Variants in KTN1 observed in about 807,000 individuals in gnomAD.
The protein encoded by KTN1 is kinectin.
A neutral mutation model predicts 222.5 loss-of-function variants in KTN1; 130 were observed. That is an observed-to-expected ratio of 0.58 (90% CI 0.51 to 0.68). KTN1 has a LOEUF of 0.68. Ranked by LOEUF, KTN1 falls within the 30% of genes least tolerant of loss-of-function variation. The pLI is 0.00. For synonymous variants in KTN1, 512 were observed against 496.3 expected, an observed-to-expected ratio of 1.03 and a Z score of -0.42; for missense variants, 1,508 against 1,500.4, an observed-to-expected ratio of 1.01 and a Z score of -0.08.
At chr14:55,640,874 A>AAAATAGTTT in intron 15 of KTN1, 59 bp from the exon 16 acceptor site, 1 of 1,408,930 alleles carries the variant, frequency 7.1e-7, no homozygotes, top group Non-Finnish European at 1.0e-6. Context: ...ATTAGTGAAA[A>AAAATAGTTT]AAATAGTTTT....
At chr14:55,586,224 C>T (rs1594676717) in intron 1 of KTN1, among the ~76,000 whole-genome samples, 1 of 152,262 alleles carries the variant, frequency 6.6e-6, no homozygotes, top group East Asian at 1.9e-4. Flanking sequence ...ACAGCTTGGG[C>T]ACTAGGGAGC....
chr14:55,595,772 A>G (rs8009239), intron 1 of KTN1, among the ~76,000 whole-genome samples: 9,197 of 152,314 alleles, frequency 0.06, 384 homozygotes, highest in South Asian at 0.09. Context: ...TGTTCTGACA[A>G]AATCAGACAT....
Position 55,633,658 on chromosome 14 carries a change from C to T in KTN1, c.1328+317C>T, listed in dbSNP as rs146971094. Among the ~76,000 whole-genome samples, 304 of 151,928 alleles carry T rather than the reference C, an allele frequency of 2.0e-3. 2 individuals are homozygous for T. The highest frequency in any genetic ancestry group is 3.3e-3 in the Admixed American group (51 of 15,260). On this transcript the variant is annotated intron_variant, in intron 8 of 43. Coordinates refer to ENST00000395314, the MANE Select transcript of KTN1 (RefSeq NM_001079521.2). ...ACTATGTAATAAATACTAGTACCAC[C>T]AATGGAATGGTCTACAAGCTTATGA...
At chr14:55,650,907 A>G (rs2042871687) in intron 24 of KTN1, among the ~76,000 whole-genome samples, 1 of 152,150 alleles carries the variant, frequency 6.6e-6, no homozygotes, top group Admixed American at 6.5e-5. Flanking sequence ...ATGAAACACG[A>G]AACAGTTTGG....
intron 27 of KTN1, 21 bp downstream of exon 27, chr14:55,653,106 C>T: frequency 1.5e-6 from 2 of 1,363,404 alleles, no homozygotes; most frequent in Middle Eastern, 1.9e-4. Context: ...AACAAATTAC[C>T]AACATGTTAC....
intron 21 of KTN1, among the ~76,000 whole-genome samples, chr14:55,649,486 C>T (rs2042724757): frequency 6.6e-6 from 1 of 152,104 alleles, no homozygotes; most frequent in African/African-American, 2.4e-5. Flanking sequence ...TGAAATTAGG[C>T]AGTTTCTTAG....
intron 43 of KTN1, chr14:55,680,580 A>C (rs1366727052): frequency 3.5e-6 from 2 of 567,942 alleles, no homozygotes; most frequent in Non-Finnish European, 6.9e-6. Context: ...AACCCCTGAT[A>C]ATACTGTGTT....
chr14:55,590,591 T>C (rs991321181), intron 1 of KTN1, among the ~76,000 whole-genome samples: 1 of 152,170 alleles, frequency 6.6e-6, no homozygotes. Flanking sequence ...TTTTGTTGTT[T>C]TGTTGGTTTT....
chr14:55,638,619 T>C (rs560750784), intron 12 of KTN1, among the ~76,000 whole-genome samples: 2 of 151,932 alleles, frequency 1.3e-5, no homozygotes, highest in South Asian at 4.1e-4. Context: ...TCTAAAGTAA[T>C]TGAGGAAGAA....
Position 55,630,058 on chromosome 14 carries a change from A to G in KTN1, c.1182A>G (p.Ile394Met), listed in dbSNP as rs1360973030. Residue 394 changes from isoleucine (I) to methionine (M), a missense_variant, in exon 7 of 44, where the codon ATA becomes ATG. Coordinates refer to ENST00000395314, the MANE Select transcript of KTN1 (RefSeq NM_001079521.2). ...AACATAATGTATTTCAAAACAAAAT[A>G]CATGTCAGTTATCAAGAGACTCAAC... ...EKEHNVFQNK[I>M]HVSYQETQQM... 3.1e-6 allele frequency: 5 copies of G among 1,609,468 alleles called. No individual in the cohort carries two copies. The highest frequency in any genetic ancestry group is 3.4e-6 in the Non-Finnish European group (4 of 1,175,938).
chr14:55,640,678 G>GT (rs1449775452), intron 15 of KTN1, among the ~76,000 whole-genome samples: 1 of 151,860 alleles, frequency 6.6e-6, no homozygotes, highest in Non-Finnish European at 1.5e-5. Context: ...ATGCTGGTTT[G>GT]TTTGAGTCTT....
chr14:55,663,977 A>G lies in KTN1; in HGVS notation c.3113A>G (p.Glu1038Gly), dbSNP rs746751859. The change falls in exon 33 of 44, where the codon GAA (glutamate) becomes GGA (glycine). Residue 1038 changes from glutamate to glycine, a missense_variant. Physicochemically the swap from Glu to Gly is moderately conservative, Grantham distance 98 (BLOSUM62 -2). Transcript: ENST00000395314. ...TAGGACCTTCGGGAGAAAAACTGGGAAGCAATGGAAGCATTGGCATCAACT... is the reference window on the plus strand; with the variant it reads ...TAGGACCTTCGGGAGAAAAACTGGGGAGCAATGGAAGCATTGGCATCAACT... ...KNNDLREKNW[E>G]AMEALASTEK... 31 of 1,612,032 alleles carry G rather than the reference A, an allele frequency of 1.9e-5. No homozygotes were observed. The highest frequency in any genetic ancestry group is 2.2e-5 in the Non-Finnish European group (26 of 1,178,526).
Position 55,608,096 on chromosome 14 carries a change from A to G in KTN1, c.-30-3923A>G, listed in dbSNP as rs556298275. Among the ~76,000 whole-genome samples, 9 of 152,318 alleles carry G rather than the reference A, an allele frequency of 5.9e-5. No homozygotes were observed. The South Asian group carries it at 8.3e-4, about 14-fold the overall frequency. ...TTTAATGACCTGGTTCTTATTACCC[A>G]GAGCTAAATTAACTTTGTCTCAACC... is the stretch of plus-strand genomic sequence containing the variant. On this transcript the variant is annotated intron_variant, in intron 1 of 43. Coordinates refer to ENST00000395314, the MANE Select transcript of KTN1 (RefSeq NM_001079521.2).
At chr14:55,636,866 C>T (rs1387787371) in intron 10 of KTN1, among the ~76,000 whole-genome samples, 1 of 151,246 alleles carries the variant, frequency 6.6e-6, no homozygotes, top group East Asian at 1.9e-4. Context: ...AAAATACTCA[C>T]TTCTTATTTT....
intron 1 of KTN1, among the ~76,000 whole-genome samples, chr14:55,597,251 A>T (rs1221826236): frequency 6.6e-6 from 1 of 152,168 alleles, no homozygotes. Context: ...TATAAGCTAA[A>T]CTTTGTGTAA....
intron 1 of KTN1, among the ~76,000 whole-genome samples, chr14:55,600,012 C>A (rs952378975): frequency 1.3e-5 from 2 of 151,672 alleles, no homozygotes; most frequent in Non-Finnish European, 2.9e-5. Flanking sequence ...ATTAAAAATT[C>A]TTATTTACAT....
chr14:55,670,724 C>A lies in KTN1; in HGVS notation c.3268-5C>A. 1 of 1,565,160 alleles carries A rather than the reference C, an allele frequency of 6.4e-7. No individual in the cohort carries two copies. Among genetic ancestry groups the A allele is most frequent in the Non-Finnish European group, 8.7e-7 (1 of 1,152,880 alleles). On this transcript the variant is annotated splice_polypyrimidine_tract_variant and splice_region_variant and intron_variant, in intron 34 of 43. Coordinates refer to ENST00000395314, the MANE Select transcript of KTN1 (RefSeq NM_001079521.2). ...ATTAATGATTTTAACTTTTCTCGTC[C>A]ACAGAGTTATGGTGAATGGTTGCAT...
At chr14:55,661,228 A>G (rs2044107765) in intron 31 of KTN1, 1 of 204,892 alleles carries the variant, frequency 4.9e-6, no homozygotes, top group African/African-American at 2.3e-5. Context: ...AGGTAAAACT[A>G]TAAATAGCTA....
intron 2 of KTN1, 58 bp from the exon 3 acceptor site, chr14:55,616,459 C>T: frequency 1.4e-6 from 2 of 1,450,934 alleles, no homozygotes; most frequent in Non-Finnish European, 1.9e-6. Flanking sequence ...GTGATTGCAT[C>T]TTTTCCGTTA....
Sources: allele counts gnomAD v4.1 joint callset (sites outside exome capture counted in the v4.1 genomes callset), GRCh38; gene constraint gnomAD v4.1.1; transcripts MANE v1.5; gene names NCBI Gene and HGNC (gene_info 2026-07-23, HGNC 2026-07-21).